Variants in SH2B3 observed in about 807,000 individuals in gnomAD.
SH2B3 encodes SH2B adapter protein 3.
A neutral mutation model predicts 51.9 loss-of-function variants in SH2B3; 43 were observed. The ratio of observed to expected loss-of-function variants is 0.83; its 90% confidence interval spans 0.65 to 1.07. The LOEUF (loss-of-function observed/expected upper bound fraction) is 1.07. SH2B3 is among the 50% of genes least tolerant of loss of function. SH2B3 has a pLI of 0.00. For synonymous variants in SH2B3, 396 were observed against 376.0 expected (o/e 1.05, Z -0.62); for missense variants, 952 against 834.3 (o/e 1.14, Z -1.74).
intron 2 of SH2B3, among the ~76,000 whole-genome samples, chr12:111,440,437 C>T (rs1237899423): frequency 1.3e-5 from 2 of 152,214 alleles, no homozygotes; most frequent in Non-Finnish European, 2.9e-5. Flanking sequence ...TCTGTGACTT[C>T]CTCTTGGAAA....
chr12:111,421,259 C>T (rs1871527942), intron 2 of SH2B3, among the ~76,000 whole-genome samples: 1 of 152,104 alleles, frequency 6.6e-6, no homozygotes, highest in African/African-American at 2.4e-5. Context: ...TTTTGTGCCT[C>T]AGCCTCCCCA....
chr12:111,433,289 T>C (rs947160188), intron 2 of SH2B3, among the ~76,000 whole-genome samples: 3 of 152,024 alleles, frequency 2.0e-5, no homozygotes, highest in Non-Finnish European at 4.4e-5. Context: ...AGGTGGAGGC[T>C]GCAGCGAGCC....
At position 111,418,426 on chromosome 12, in the gene SH2B3, G is replaced by A. The variant is rs1278793563; in HGVS notation, c.281G>A (p.Arg94His). The A allele has an allele frequency of 2.0e-6, 3 of 1,464,922 alleles. No homozygotes were observed. Among genetic ancestry groups the A allele is most frequent in the South Asian group, 1.3e-5 (1 of 78,216 alleles). 90.7% of individuals were successfully genotyped at this position (1,464,922 alleles called of 1,614,324 possible). ...GGCCGCGACTACCGGGACACAGGCC[G>A]TGGGCCCCCAGCCAAGGCCGAGGCG... ...APGRDYRDTG[R>H]GPPAKAEASP... The change falls in exon 2 of 8, where the codon CGT (arginine) becomes CAT (histidine). Residue 94 changes from arginine (R) to histidine (H), a missense_variant. Transcript: ENST00000341259. The surrounding 1 kb of genome is among the most constrained non-coding windows in gnomAD (Gnocchi z 6.7).
At position 111,438,160 on chromosome 12, in the gene SH2B3, C is replaced by T. The variant is rs1350734743; in HGVS notation, c.733-8593C>T. On this transcript the variant is annotated intron_variant, in intron 2 of 7. Transcript: ENST00000341259. The surrounding 1 kb of genome is among the most constrained non-coding windows in gnomAD (Gnocchi z 4.2). ...AGGCAGGGCATCACAAATGCAGGGGCTGGGTGGCAGGGGAAGGTGTGGGCG... is the reference window on the plus strand; with the variant it reads ...AGGCAGGGCATCACAAATGCAGGGGTTGGGTGGCAGGGGAAGGTGTGGGCG... 1.3e-5 allele frequency among the ~76,000 whole-genome samples: 2 copies of T among 149,666 alleles called. No individual in the cohort carries two copies. Among genetic ancestry groups the T allele is most frequent in the African/African-American group, 2.4e-5 (1 of 40,822 alleles).
chr12:111,423,158 C>T lies in SH2B3; in HGVS notation c.732+4281C>T, dbSNP rs558579218. Reference sequence around the variant, plus strand: ...GGAGCAGAGAGAGGGAGATGGGGAGCGGGGAAGTACATGTGGGTGGAGGAC... The same window carrying T: ...GGAGCAGAGAGAGGGAGATGGGGAGTGGGGAAGTACATGTGGGTGGAGGAC... On this transcript the variant is annotated intron_variant, in intron 2 of 7. Transcript: ENST00000341259. 5.9e-5 allele frequency among the ~76,000 whole-genome samples: 9 copies of T among 152,112 alleles called. No homozygotes were observed. In the South Asian group the frequency reaches 6.2e-4, roughly 11 times the overall value.
In SH2B3 at chr12:111,424,683, G is replaced by A. The variant is rs554515022; in HGVS notation, c.732+5806G>A. On this transcript the variant is annotated intron_variant, in intron 2 of 7. Transcript: ENST00000341259. ...GGGAGGCTTCTCCTAGCCCCTCGGA[G>A]CATCAGGTGGAACAGTCCGGGCGGC... Among the ~76,000 whole-genome samples the A allele has an allele frequency of 2.0e-5, 3 of 152,248 alleles. No homozygotes were observed. In the South Asian group the frequency reaches 6.2e-4, roughly 32 times the overall value.
In SH2B3 at chr12:111,407,035, T is replaced by C. The variant is rs1216282604; in HGVS notation, c.-28+758T>C. Reference sequence around the variant, plus strand: ...TCTGATGCCTGGTGCAGAAATCCCCTTCCCTCCCTTCCCTCCCTCCGGCCA... The same window carrying C: ...TCTGATGCCTGGTGCAGAAATCCCCCTCCCTCCCTTCCCTCCCTCCGGCCA... On this transcript the variant is annotated intron_variant, in intron 1 of 7. Coordinates refer to ENST00000341259, the MANE Select transcript of SH2B3 (RefSeq NM_005475.3). This position sits in a 1 kb window ranked among gnomAD's most constrained non-coding sequence, Gnocchi z 4.3. 2.0e-5 allele frequency among the ~76,000 whole-genome samples: 3 copies of C among 152,192 alleles called. No individual in the cohort carries two copies. Among genetic ancestry groups the C allele is most frequent in the Non-Finnish European group, 4.4e-5 (3 of 68,010 alleles).
At chr12:111,417,040 G>A (rs1338529902) in intron 1 of SH2B3, among the ~76,000 whole-genome samples, 1 of 151,956 alleles carries the variant, frequency 6.6e-6, no homozygotes, top group Admixed American at 6.5e-5. Flanking sequence ...ATGTAAATGG[G>A]ATTGTCTAGG....
chr12:111,405,860 G>T (rs936753271), upstream of SH2B3: 6 of 151,958 alleles, frequency 3.9e-5, no homozygotes, highest in African/African-American at 9.6e-5. This position sits in a 1 kb window ranked among gnomAD's most constrained non-coding sequence, Gnocchi z 5.4. Flanking sequence ...CCCCGCCCCT[G>T]CCCCGCCCCT....
intron 2 of SH2B3, among the ~76,000 whole-genome samples, chr12:111,436,509 C>G (rs1417012488): frequency 6.6e-6 from 1 of 152,120 alleles, no homozygotes; most frequent in Non-Finnish European, 1.5e-5. Context: ...GCTGCAGGGG[C>G]CATGTGTAAC....
rs577458150 is a variant in SH2B3 at position 111,447,487 on chromosome 12, G to A, written c.1179G>A (p.Gln393=). The A allele has an allele frequency of 1.5e-5, 25 of 1,613,072 alleles. No homozygotes were observed. Among genetic ancestry groups the A allele is most frequent in the Admixed American group, 5.0e-5 (3 of 59,926 alleles). Residue 393 remains glutamine, a synonymous_variant, in exon 6 of 8, where the codon CAG becomes CAA. Coordinates refer to ENST00000341259, the MANE Select transcript of SH2B3 (RefSeq NM_005475.3). ...CTCATGGAGTGTTCCTGGTGCGGCA[G>A]AGCGAGACGCGGCGTGGGGAATACG... ...PDAHGVFLVR[Q]SETRRGEYVL...
chr12:111,421,401 C>CT lies in SH2B3; in HGVS notation c.732+2550dup, dbSNP rs550860498. On this transcript the variant is annotated intron_variant, in intron 2 of 7. Coordinates refer to ENST00000341259, the MANE Select transcript of SH2B3 (RefSeq NM_005475.3). Reference sequence around the variant, plus strand: ...GATCGTACATGTCAATAGTGTCTTCCTTTTTTTTTTTTTTTTTTTTTTTTT... The same window carrying CT: ...GATCGTACATGTCAATAGTGTCTTCCTTTTTTTTTTTTTTTTTTTTTTTTTT... Among the ~76,000 whole-genome samples the CT allele has an allele frequency of 9.5e-3, 858 of 90,648 alleles. 83 individuals carry two copies. The highest frequency in any genetic ancestry group is 0.013 in the Non-Finnish European group (636 of 48,396). The allele number at this position is 90,648 out of a possible 152,430, so 59.5% of individuals were successfully genotyped here. A position where few individuals can be genotyped will look rare whatever the true frequency, so the allele number is the denominator to read the frequency against.
In SH2B3 at chr12:111,429,439, C is replaced by T. The variant is rs929288330; in HGVS notation, c.732+10562C>T. ...CACCGCCTCCAGGGTTCAAGCAATTCTCCTGCCTCAGCCTCCCGAGTAGCT... is the reference window on the plus strand; with the variant it reads ...CACCGCCTCCAGGGTTCAAGCAATTTTCCTGCCTCAGCCTCCCGAGTAGCT... On this transcript the variant is annotated intron_variant, in intron 2 of 7. Transcript: ENST00000341259. The surrounding 1 kb of genome is among the most constrained non-coding windows in gnomAD (Gnocchi z 4.4). Among the ~76,000 whole-genome samples, 5 of 152,194 alleles carry T rather than the reference C, an allele frequency of 3.3e-5. No individual in the cohort carries two copies. Among genetic ancestry groups the T allele is most frequent in the Non-Finnish European group, 7.4e-5 (5 of 68,026 alleles).
chr12:111,418,730 G>A lies in SH2B3; in HGVS notation c.585G>A (p.Ala195=), dbSNP rs1196129637. ...TGGCCCGGGAGCCGCCACCCGAGGC[G>A]CTGAAGGAGGCGGTGCTGCGCTACA... The part of the protein sequence containing the change: ...WSLAREPPPE[A]LKEAVLRYSL... The change falls in exon 2 of 8, where the codon GCG becomes GCA. Residue 195 remains alanine (A), a synonymous_variant. Transcript: ENST00000341259. The surrounding 1 kb of genome is among the most constrained non-coding windows in gnomAD (Gnocchi z 6.7). 3 of 1,485,114 alleles carry A rather than the reference G, an allele frequency of 2.0e-6. No homozygotes were observed. The highest frequency in any genetic ancestry group is 1.3e-5 in the South Asian group (1 of 79,716). The allele number at this position is 1,485,114 out of a possible 1,614,324, so 92.0% of individuals were successfully genotyped here. A position where few individuals can be genotyped will look rare whatever the true frequency, so the allele number is the denominator to read the frequency against.
At chr12:111,417,522 T>G (rs1396342767) in intron 1 of SH2B3, among the ~76,000 whole-genome samples, 1 of 145,814 alleles carries the variant, frequency 6.9e-6, no homozygotes, top group Admixed American at 6.9e-5. Flanking sequence ...TTGCCTGGGC[T>G]GGCGTTCAAT....
upstream of SH2B3, among the ~76,000 whole-genome samples, chr12:111,405,334 G>A (rs1389560615): frequency 6.6e-6 from 1 of 152,236 alleles, no homozygotes; most frequent in Non-Finnish European, 1.5e-5. This position sits in a 1 kb window ranked among gnomAD's most constrained non-coding sequence, Gnocchi z 5.4. Flanking sequence ...TGGGGCCGTG[G>A]CGGGTCGGGT....
At position 111,448,573 on chromosome 12, in the gene SH2B3, C is replaced by T. The variant is rs1874295270; in HGVS notation, c.*271C>T. The T allele has an allele frequency of 4.5e-6, 2 of 448,354 alleles. No homozygotes were observed. The highest frequency in any genetic ancestry group is 8.0e-6 in the Non-Finnish European group (2 of 250,080). The allele number at this position is 448,354 out of a possible 1,614,324, so 27.8% of individuals were successfully genotyped here. A position where few individuals can be genotyped will look rare whatever the true frequency, so the allele number is the denominator to read the frequency against. ...AGCTCCTGCCCGGGGTCCCTATGCC[C>T]AGTCCCCGTTACTCTTAGAGAAAGG... On this transcript the variant is annotated 3_prime_UTR_variant, in exon 8 of 8. Transcript: ENST00000341259.
chr12:111,436,647 G>C (rs936468141), intron 2 of SH2B3, among the ~76,000 whole-genome samples: 1 of 152,088 alleles, frequency 6.6e-6, no homozygotes, highest in Non-Finnish European at 1.5e-5. Context: ...CCTGTGTGAA[G>C]GTCTTCCTCT....
chr12:111,426,728 G>C (rs1196527660), intron 2 of SH2B3, among the ~76,000 whole-genome samples: 1 of 152,168 alleles, frequency 6.6e-6, no homozygotes, highest in Non-Finnish European at 1.5e-5. Flanking sequence ...GTGTGCCTCT[G>C]TGTGCCAGGT....
Sources: gnomAD v4.1 joint callset for allele counts (sites outside exome capture counted in the v4.1 genomes callset) on GRCh38, gnomAD v4.1.1 for gene constraint, Gnocchi (gnomAD v3.1) non-coding constraint, MANE v1.5 for transcripts, NCBI Gene and HGNC (gene_info 2026-07-23, HGNC 2026-07-21) for gene names.